MIGA1: variants seen among roughly 807,000 people sequenced by gnomAD.
The protein encoded by MIGA1 is mitoguardin 1, also known as family with sequence similarity 73, member A.
Under a neutral mutation model 82.0 loss-of-function variants are expected in MIGA1, and 58 were observed. The observed-to-expected ratio is 0.71, with a 90% CI of 0.57 to 0.88. MIGA1 has a LOEUF of 0.88. Ranked by LOEUF, MIGA1 falls within the 40% of genes least tolerant of loss-of-function variation. The pLI, the probability that MIGA1 is intolerant of heterozygous loss-of-function variation, is 0.00. For missense variants in MIGA1, 751 were observed against 749.1 expected (o/e 1.00, Z -0.03); for synonymous variants, 249 against 253.6 (o/e 0.98, Z 0.17).
At position 77,815,216 on chromosome 1, in the gene MIGA1, C is replaced by T. The variant is rs546011717; in HGVS notation, c.880C>T (p.Leu294Phe). ...CCTTGGGGCATCTGATCCTAATTCCCTTGCTGATGATATTGGTAAGATGGA... is the reference window on the plus strand; with the variant it reads ...CCTTGGGGCATCTGATCCTAATTCCTTTGCTGATGATATTGGTAAGATGGA... Residue 294 changes from leucine (L) to phenylalanine (F), a missense_variant, in exon 7 of 16, where the codon CTT (leucine) becomes TTT (phenylalanine). Physicochemically the swap from Leu to Phe is conservative, Grantham distance 22. Transcript: ENST00000370791. 1 of 1,600,334 alleles carries T rather than the reference C, an allele frequency of 6.2e-7. No individual in the cohort carries two copies. The highest frequency in any genetic ancestry group is 8.5e-7 in the Non-Finnish European group (1 of 1,173,156).
chr1:77,793,364 A>G (rs1034990632), intron 2 of MIGA1, among the ~76,000 whole-genome samples: 1 of 151,702 alleles, frequency 6.6e-6, no homozygotes, highest in African/African-American at 2.4e-5. Flanking sequence ...TGGCCTCACA[A>G]AGTGCTGGGA....
chr1:77,798,724 G>A (rs1306071953), intron 2 of MIGA1, among the ~76,000 whole-genome samples: 1 of 152,166 alleles, frequency 6.6e-6, no homozygotes. Context: ...GGCTTACAAA[G>A]ATACTCTCAT....
chr1:77,822,110 T>C (rs1683837414), intron 7 of MIGA1, among the ~76,000 whole-genome samples: 1 of 151,990 alleles, frequency 6.6e-6, no homozygotes, highest in Non-Finnish European at 1.5e-5. Context: ...ATTTTGGTGG[T>C]CATTTCACAT....
At chr1:77,872,545 G>A (rs1162879181) in intron 14 of MIGA1, among the ~76,000 whole-genome samples, 1 of 152,122 alleles carries the variant, frequency 6.6e-6, no homozygotes, top group Non-Finnish European at 1.5e-5. Flanking sequence ...AGGCTGCAGT[G>A]AGCCATGACT....
rs1009598609 is a variant in MIGA1, at chr1:77,875,688, T to C, written c.*624T>C. On this transcript the variant is annotated 3_prime_UTR_variant, in exon 16 of 16. Transcript: ENST00000370791. Reference sequence around the variant, plus strand: ...CACTTGCAGTGGCTCATGCCTGTAATACATTGGGAGGCTGAGGCAGGAGGA... The same window carrying C: ...CACTTGCAGTGGCTCATGCCTGTAACACATTGGGAGGCTGAGGCAGGAGGA... 6.6e-6 allele frequency: 1 copy of C among 152,278 alleles called. No homozygotes were observed. The highest frequency in any genetic ancestry group is 2.1e-4 in the South Asian group (1 of 4,826). The allele number at this position is 152,278 out of a possible 1,614,324, so 9.4% of individuals were successfully genotyped here.
At chr1:77,806,875 A>T in intron 4 of MIGA1, 100 bp from the exon 5 acceptor site, 3 of 797,554 alleles carry the variant, frequency 3.8e-6, no homozygotes, top group Non-Finnish European at 3.9e-6. Flanking sequence ...GGATTGTCTT[A>T]CCACTAATAG....
Position 77,866,322 on chromosome 1 carries a change from C to T in MIGA1, c.1510-16C>T. On this transcript the variant is annotated splice_polypyrimidine_tract_variant and intron_variant, in intron 13 of 15. Coordinates refer to ENST00000370791, the MANE Select transcript of MIGA1 (RefSeq NM_198549.4). The stretch of plus-strand genomic sequence containing the variant: ...ATAGCTATATATAAATCTTTCTTTT[C>T]TCTGCATGTATTTAGGCTGTGGCTT... The T allele has an allele frequency of 6.2e-7, 1 of 1,612,694 alleles. No individual in the cohort carries two copies. The highest frequency in any genetic ancestry group is 8.5e-7 in the Non-Finnish European group (1 of 1,178,770).
chr1:77,878,995 A>G lies in MIGA1; in HGVS notation c.*3931A>G, dbSNP rs1224654866. The G allele has an allele frequency of 1.1e-5, 3 of 281,400 alleles. No homozygotes were observed. In the East Asian group the frequency reaches 1.6e-4, roughly 15 times the overall value. 17.4% of individuals were successfully genotyped at this position (281,400 alleles called of 1,614,324 possible). A position where few individuals can be genotyped will look rare whatever the true frequency, so the allele number is the denominator to read the frequency against. On this transcript the variant is annotated 3_prime_UTR_variant, in exon 16 of 16. Coordinates refer to ENST00000370791, the MANE Select transcript of MIGA1 (RefSeq NM_198549.4). ...TTTCTACTTAAATTTAATTTCCAAG[A>G]GAGTGATTATTTGCATTACAAAGGA... is the stretch of plus-strand genomic sequence containing the variant.
chr1:77,793,286 A>G (rs1682505741), intron 2 of MIGA1, among the ~76,000 whole-genome samples: 1 of 151,516 alleles, frequency 6.6e-6, no homozygotes, highest in African/African-American at 2.4e-5. Context: ...TATTTTTTGT[A>G]GAGACGGGGT....
intron 2 of MIGA1, among the ~76,000 whole-genome samples, chr1:77,789,556 G>A (rs1370277606): frequency 6.6e-6 from 1 of 151,930 alleles, no homozygotes; most frequent in Non-Finnish European, 1.5e-5. Context: ...ATAACAAGAT[G>A]GTTCTGTAGT....
At chr1:77,821,002 C>T (rs1394312043) in intron 7 of MIGA1, among the ~76,000 whole-genome samples, 2 of 151,958 alleles carry the variant, frequency 1.3e-5, no homozygotes, top group Non-Finnish European at 2.9e-5. Context: ...GGTGTGGTGG[C>T]GGATGCCTGT....
intron 10 of MIGA1, chr1:77,859,592 C>G: frequency 2.0e-6 from 1 of 508,792 alleles, no homozygotes; most frequent in African/African-American, 1.9e-5. Context: ...CATGGCTTCC[C>G]AGGCCCACGA....
intron 14 of MIGA1, among the ~76,000 whole-genome samples, chr1:77,867,675 T>C (rs1311701465): frequency 6.6e-6 from 1 of 152,258 alleles, no homozygotes; most frequent in Admixed American, 6.5e-5. Context: ...AGAACAGTGC[T>C]TGGCATAGTG....
At chr1:77,791,590 G>GTC (rs935530875) in intron 2 of MIGA1, among the ~76,000 whole-genome samples, 3 of 134,044 alleles carry the variant, frequency 2.2e-5, no homozygotes, top group Non-Finnish European at 4.6e-5. Context: ...TTTAAACAGA[G>GTC]TCTTGCTCTG....
At chr1:77,845,222 A>G (rs766354335) in intron 8 of MIGA1, among the ~76,000 whole-genome samples, 2 of 152,094 alleles carry the variant, frequency 1.3e-5, no homozygotes, top group Non-Finnish European at 2.9e-5. Flanking sequence ...TTCCACTTAT[A>G]AGTTTGCAGT....
At chr1:77,812,537 TGAGAG>T (rs1423269081) in intron 5 of MIGA1, among the ~76,000 whole-genome samples, 4 of 152,264 alleles carry the variant, frequency 2.6e-5, no homozygotes, top group East Asian at 1.9e-4. Flanking sequence ...AGAAATGACT[TGAGAG>T]GAGAGGTATT....
intron 8 of MIGA1, among the ~76,000 whole-genome samples, chr1:77,846,213 A>G (rs1684834398): frequency 6.6e-6 from 1 of 152,150 alleles, no homozygotes; most frequent in Admixed American, 6.5e-5. Flanking sequence ...GACATTTCTT[A>G]TAAGTGGAAT....
chr1:77,869,876 ACCTC>A (rs1371205825), intron 14 of MIGA1, among the ~76,000 whole-genome samples: 3 of 81,124 alleles, frequency 3.7e-5, no homozygotes, highest in African/African-American at 1.5e-4. Context: ...TGATCCCCCC[ACCTC>A]CCTCCCGGAC....
chr1:77,813,481 A>G (rs1309498336), intron 5 of MIGA1, among the ~76,000 whole-genome samples: 1 of 152,172 alleles, frequency 6.6e-6, no homozygotes, highest in Non-Finnish European at 1.5e-5. Flanking sequence ...TCTGAGCACC[A>G]TATACATTTG....
Sources: allele counts gnomAD v4.1 joint callset (sites outside exome capture counted in the v4.1 genomes callset), GRCh38; gene constraint gnomAD v4.1.1; transcripts MANE v1.5; gene names NCBI Gene and HGNC (gene_info 2026-07-23, HGNC 2026-07-21).